Variants in GPC5 observed in about 807,000 individuals in gnomAD.
GPC5 encodes the protein glypican 5.
Under a neutral mutation model 53.9 loss-of-function variants are expected in GPC5, and 47 were observed. That is an observed-to-expected ratio of 0.87 (90% confidence interval 0.69 to 1.11). The LOEUF is 1.11. Among genes scored for constraint, GPC5 ranks in the 50% most tolerant of loss-of-function variants. The pLI is 0.00. For synonymous variants in GPC5, 286 were observed against 263.3 expected (o/e 1.09, Z -0.84); for missense variants, 748 against 713.1 (o/e 1.05, Z -0.56).
At position 91,712,328 on chromosome 13, in the gene GPC5, G is replaced by A. The variant is rs139679423; in HGVS notation, c.1021-16204G>A. 7.7e-4 allele frequency among the ~76,000 whole-genome samples: 117 copies of A among 151,170 alleles called. 3 individuals carry two copies. In the East Asian group the frequency reaches 0.021, roughly 28 times the overall value. ...TGTGTGTGTGTATATGTGTGTGTGT[G>A]TATATATATATGTGTGTGTGTGTAT... On this transcript the variant is annotated intron_variant, in intron 3 of 7. Transcript: ENST00000377067.
intron 7 of GPC5, among the ~76,000 whole-genome samples, chr13:92,729,080 C>T (rs1888728266): frequency 6.6e-6 from 1 of 151,240 alleles, no homozygotes; most frequent in African/African-American, 2.4e-5. Context: ...GAACAATATT[C>T]CTTGCACACA....
intron 5 of GPC5, among the ~76,000 whole-genome samples, chr13:91,861,312 A>C: frequency 6.6e-6 from 1 of 152,214 alleles, no homozygotes. Context: ...AAGGGATGTT[A>C]AAATCTTTAA....
chr13:92,767,445 T>C (rs1351954769), intron 7 of GPC5, among the ~76,000 whole-genome samples: 1 of 152,176 alleles, frequency 6.6e-6, no homozygotes, highest in African/African-American at 2.4e-5. Flanking sequence ...CACTTCAGCC[T>C]GGGCGACATA....
At chr13:91,852,411 G>A (rs2038924487) in intron 5 of GPC5, among the ~76,000 whole-genome samples, 1 of 151,732 alleles carries the variant, frequency 6.6e-6, no homozygotes, top group South Asian at 2.1e-4. Context: ...TATGATAATA[G>A]TACCTTCTTT....
intron 7 of GPC5, among the ~76,000 whole-genome samples, chr13:92,715,657 C>G (rs998408911): frequency 2.6e-5 from 4 of 152,138 alleles, no homozygotes; most frequent in Non-Finnish European, 4.4e-5. Context: ...TTTCTCAACT[C>G]TGGAGAATTT....
intron 7 of GPC5, among the ~76,000 whole-genome samples, chr13:92,405,745 C>A (rs1875765709): frequency 6.6e-6 from 1 of 152,076 alleles, no homozygotes; most frequent in Non-Finnish European, 1.5e-5. Context: ...ACTCTCATCT[C>A]TTTTTTGAGT....
At chr13:92,384,468 A>G (rs534703737) in intron 7 of GPC5, among the ~76,000 whole-genome samples, 6 of 152,272 alleles carry the variant, frequency 3.9e-5, no homozygotes, top group African/African-American at 1.4e-4. Flanking sequence ...ACTTAAAGGA[A>G]ATCGAATTAC....
chr13:92,527,144 GAA>G (rs1234230079), intron 7 of GPC5, among the ~76,000 whole-genome samples: 12 of 114,176 alleles, frequency 1.1e-4, no homozygotes, highest in Non-Finnish European at 1.3e-4. Context: ...AAGAAAGAAA[GAA>G]AGAAAGAAAG....
At chr13:92,755,569 A>T (rs199848285) in intron 7 of GPC5, among the ~76,000 whole-genome samples, 5,367 of 144,854 alleles carry the variant, frequency 0.037, 241 homozygotes, top group East Asian at 0.25. Context: ...TCAACAAAAT[A>T]GATAGACTGC....
intron 7 of GPC5, among the ~76,000 whole-genome samples, chr13:92,154,242 A>C (rs2041927429): frequency 6.6e-6 from 1 of 152,210 alleles, no homozygotes; most frequent in African/African-American, 2.4e-5. Flanking sequence ...CAAGCCATTC[A>C]TGAGGAATCC....
chr13:91,716,139 A>AT (rs2036333908), intron 3 of GPC5, among the ~76,000 whole-genome samples: 1 of 151,938 alleles, frequency 6.6e-6, no homozygotes, highest in African/African-American at 2.4e-5. Context: ...CATACTATGG[A>AT]TTTTATAGTC....
intron 7 of GPC5, among the ~76,000 whole-genome samples, chr13:92,788,740 CA>C (rs1400719263): frequency 1.3e-5 from 2 of 152,088 alleles, no homozygotes; most frequent in Non-Finnish European, 2.9e-5. Flanking sequence ...ACATTTTCTA[CA>C]AAAGTTTAAG....
chr13:91,403,435 TG>T (rs535680555), intron 1 of GPC5, among the ~76,000 whole-genome samples: 96 of 152,312 alleles, frequency 6.3e-4, no homozygotes, highest in Admixed American at 1.0e-3. Context: ...TTGGCTATTT[TG>T]GTAACTTTTA....
intron 7 of GPC5, among the ~76,000 whole-genome samples, chr13:92,586,197 C>G (rs1883532841): frequency 6.6e-6 from 1 of 152,130 alleles, no homozygotes; most frequent in Non-Finnish European, 1.5e-5. Context: ...AGTGTGTTCC[C>G]TGAAAACATT....
At chr13:91,773,454 G>GA (rs1172612124) in intron 5 of GPC5, among the ~76,000 whole-genome samples, 2 of 151,266 alleles carry the variant, frequency 1.3e-5, no homozygotes, top group Non-Finnish European at 2.9e-5. Context: ...AGCATCTCCA[G>GA]AAAAAAAATC....
intron 7 of GPC5, among the ~76,000 whole-genome samples, chr13:92,317,889 GT>G (rs1358585765): frequency 1.3e-5 from 2 of 152,100 alleles, no homozygotes; most frequent in Admixed American, 1.3e-4. Flanking sequence ...TACCTCGACA[GT>G]ATAAAAATTT....
chr13:92,228,080 G>A (rs1047517790), intron 7 of GPC5, among the ~76,000 whole-genome samples: 1 of 151,636 alleles, frequency 6.6e-6, no homozygotes, highest in Non-Finnish European at 1.5e-5. Context: ...ACGTTGAGTA[G>A]GCTGAGGAGG....
At chr13:91,938,976 G>T (rs1358661899) in intron 6 of GPC5, among the ~76,000 whole-genome samples, 2 of 152,000 alleles carry the variant, frequency 1.3e-5, no homozygotes, top group East Asian at 1.9e-4. Context: ...TGTGGCAATT[G>T]AACCCTTTGT....
At chr13:92,641,450 A>G (rs1441871107) in intron 7 of GPC5, among the ~76,000 whole-genome samples, 6 of 152,218 alleles carry the variant, frequency 3.9e-5, no homozygotes, top group South Asian at 2.1e-4. Context: ...AGAAGGTGAA[A>G]GAGATATAAA....
Sources: allele counts gnomAD v4.1 joint callset (sites outside exome capture counted in the v4.1 genomes callset), GRCh38; gene constraint gnomAD v4.1.1; transcripts MANE v1.5; gene names NCBI Gene and HGNC (gene_info 2026-07-23, HGNC 2026-07-21).